The following SNX29 variants were observed in gnomAD, a reference collection of about 807,000 sequenced individuals.
SNX29 encodes sorting nexin-29.
Under a neutral mutation model 102.1 loss-of-function variants are expected in SNX29, and 78 were observed. That is an observed-to-expected ratio of 0.76 (90% CI 0.64 to 0.92). The LOEUF (loss-of-function observed/expected upper bound fraction) is 0.92, where lower values mean the gene tolerates loss of function less well. Ranked by LOEUF, SNX29 falls within the 40% of genes least tolerant of loss-of-function variation. The pLI, the probability that SNX29 is intolerant of heterozygous loss-of-function variation, is 0.00. For synonymous variants in SNX29, 580 were observed against 414.5 expected, an observed-to-expected ratio of 1.40 and a Z score of -4.85; for missense variants, 1,280 against 1,061.7, an observed-to-expected ratio of 1.21 and a Z score of -2.86.
chr16:12,048,344 C>T (rs1359721615), intron 6 of SNX29, 28 bp from the exon 7 acceptor site: 1 of 1,613,804 alleles, frequency 6.2e-7, no homozygotes, highest in Non-Finnish European at 8.5e-7. Context: ...TCAGCAAGCA[C>T]TCCAGACTTT....
chr16:12,253,797 A>T (rs1484812409), intron 14 of SNX29, among the ~76,000 whole-genome samples: 1 of 152,092 alleles, frequency 6.6e-6, no homozygotes, highest in African/African-American at 2.4e-5. Flanking sequence ...CCTCTGAGTT[A>T]GGGTTTTGGA....
intron 15 of SNX29, among the ~76,000 whole-genome samples, chr16:12,295,961 C>T (rs1322286310): frequency 6.6e-6 from 1 of 152,210 alleles, no homozygotes; most frequent in Non-Finnish European, 1.5e-5. Context: ...CAGTTCTTCT[C>T]CTCAAAATGA....
chr16:12,399,187 A>T (rs548672785), intron 17 of SNX29, among the ~76,000 whole-genome samples: 1 of 152,218 alleles, frequency 6.6e-6, no homozygotes, highest in South Asian at 2.1e-4. Context: ...AGTAGCTGGG[A>T]TTACAGGCAC....
intron 8 of SNX29, chr16:12,060,937 C>T (rs746944171): frequency 2.2e-6 from 1 of 448,350 alleles, no homozygotes; most frequent in Admixed American, 2.4e-5. Flanking sequence ...CTGATTCTGT[C>T]CTTTTACCCA....
intron 3 of SNX29, among the ~76,000 whole-genome samples, chr16:12,025,763 G>A (rs1388873095): frequency 6.6e-6 from 1 of 152,162 alleles, no homozygotes. Context: ...ACAGAATGAC[G>A]AGTAAAGATT....
At chr16:12,245,652 C>A (rs1183529329) in intron 14 of SNX29, among the ~76,000 whole-genome samples, 1 of 152,150 alleles carries the variant, frequency 6.6e-6, no homozygotes, top group Admixed American at 6.5e-5. Context: ...TGCTACCACT[C>A]CTCCTCCTGG....
chr16:12,540,897 G>C (rs975371761), intron 20 of SNX29, among the ~76,000 whole-genome samples: 5 of 152,198 alleles, frequency 3.3e-5, no homozygotes, highest in Non-Finnish European at 7.3e-5. Context: ...GAGCTGGAGG[G>C]CTTCTCTGAC....
In SNX29 at chr16:12,093,450, AAAG is replaced by A. The variant is rs1289056461; in HGVS notation, c.1402+14543_1402+14545del. Among the ~76,000 whole-genome samples, 7 of 152,236 alleles carry A rather than the reference AAAG, an allele frequency of 4.6e-5. No homozygotes were observed. The South Asian group carries it at 1.0e-3, about 23-fold the overall frequency. On this transcript the variant is annotated intron_variant, in intron 11 of 20. Transcript: ENST00000566228. Reference sequence around the variant, plus strand: ...CATAGTGAGACCCCCTCTCTTTACAAAAGAAGAAGACAGAAAAGCCAGACATGG... The same window carrying A: ...CATAGTGAGACCCCCTCTCTTTACAAAAGAAGACAGAAAAGCCAGACATGG...
At position 12,304,181 on chromosome 16, in the gene SNX29, G is replaced by GTT. The variant is rs527286420; in HGVS notation, c.1782+26156_1782+26157dup. Among the ~76,000 whole-genome samples the GTT allele has an allele frequency of 5.9e-3, 834 of 142,038 alleles. 8 individuals carry two copies. The highest frequency in any genetic ancestry group is 0.021 in the African/African-American group (803 of 39,104). 93.2% of individuals were successfully genotyped at this position (142,038 alleles called of 152,430 possible). The stretch of plus-strand genomic sequence containing the variant: ...GCTGTGAATCCTATCACTGTTTTTT[G>GTT]TTTTTTTTTTTTGCCTTGACTTCTA... On this transcript the variant is annotated intron_variant, in intron 15 of 20. Coordinates refer to ENST00000566228, the MANE Select transcript of SNX29 (RefSeq NM_032167.5).
intron 17 of SNX29, among the ~76,000 whole-genome samples, chr16:12,399,161 C>T (rs1001851541): frequency 1.3e-5 from 2 of 152,220 alleles, no homozygotes; most frequent in East Asian, 3.8e-4. Context: ...AGTGATTCTC[C>T]TGCCTCAGCC....
chr16:12,138,428 G>A (rs1392202242), intron 13 of SNX29, among the ~76,000 whole-genome samples: 3 of 151,838 alleles, frequency 2.0e-5, no homozygotes, highest in African/African-American at 4.8e-5. Context: ...GGCTGGTCTC[G>A]AACTCCTGAC....
intron 20 of SNX29, among the ~76,000 whole-genome samples, chr16:12,544,706 A>C (rs570220985): frequency 6.6e-6 from 1 of 152,176 alleles, no homozygotes; most frequent in African/African-American, 2.4e-5. Flanking sequence ...TTCCTCCACC[A>C]TCCCTTTAAT....
chr16:11,988,026 G>A (rs1049798330), intron 1 of SNX29, among the ~76,000 whole-genome samples: 1 of 152,202 alleles, frequency 6.6e-6, no homozygotes, highest in Admixed American at 6.6e-5. Flanking sequence ...GGGTACGGTG[G>A]CTCATGCCTG....
At chr16:12,544,810 T>G (rs961930006) in intron 20 of SNX29, among the ~76,000 whole-genome samples, 1 of 152,240 alleles carries the variant, frequency 6.6e-6, no homozygotes, top group African/African-American at 2.4e-5. Context: ...GACCAAACTC[T>G]TGACCACTGC....
intron 14 of SNX29, among the ~76,000 whole-genome samples, chr16:12,276,337 G>A (rs139312781): frequency 6.6e-6 from 1 of 152,206 alleles, no homozygotes; most frequent in East Asian, 1.9e-4. Context: ...CCCTGCATTC[G>A]TGGCCCAGGA....
Position 12,157,469 on chromosome 16 carries a change from C to T in SNX29, c.1595+27711C>T, listed in dbSNP as rs529643378. ...TCTTATTGCCCAGGGCGGGAGGTTT[C>T]ACAGCAGCCGTTTCCTGGGTGTCCT... On this transcript the variant is annotated intron_variant, in intron 13 of 20. Transcript: ENST00000566228. Among the ~76,000 whole-genome samples, 158 of 152,164 alleles carry T rather than the reference C, an allele frequency of 1.0e-3. 1 individual carries two copies. Among genetic ancestry groups the T allele is most frequent in the Non-Finnish European group, 2.0e-3 (138 of 68,020 alleles).
chr16:12,304,395 C>T (rs1192552228), intron 15 of SNX29, among the ~76,000 whole-genome samples: 2 of 152,158 alleles, frequency 1.3e-5, no homozygotes, highest in African/African-American at 2.4e-5. Context: ...GCCTTAGCCT[C>T]CTGAGTAGTT....
chr16:12,335,365 G>T (rs144494867), intron 15 of SNX29, among the ~76,000 whole-genome samples: 1 of 152,118 alleles, frequency 6.6e-6, no homozygotes, highest in African/African-American at 2.4e-5. Context: ...AATCAGTGAT[G>T]TTTAGTGGTG....
intron 19 of SNX29, among the ~76,000 whole-genome samples, chr16:12,523,053 GC>G (rs1267233710): frequency 2.6e-5 from 4 of 152,252 alleles, no homozygotes; most frequent in South Asian, 4.1e-4. Context: ...CTCAAGCGAT[GC>G]TCCTGCCTCA....
Sources: allele counts gnomAD v4.1 joint callset (sites outside exome capture counted in the v4.1 genomes callset), GRCh38; gene constraint gnomAD v4.1.1; transcripts MANE v1.5; gene names NCBI Gene and HGNC (gene_info 2026-07-23, HGNC 2026-07-21).